Variants in SLC27A1 observed in about 807,000 individuals in gnomAD.
SLC27A1 encodes long-chain fatty acid transport protein 1.
A neutral mutation model predicts 62.2 loss-of-function variants in SLC27A1; 61 were observed. The ratio of observed to expected loss-of-function variants is 0.98; its 90% CI spans 0.80 to 1.21. SLC27A1 has a LOEUF of 1.21. SLC27A1 is among the 50% of genes most tolerant of loss of function. The pLI is 0.00. For synonymous variants in SLC27A1, 435 were observed against 408.6 expected (o/e 1.06, Z -0.78); for missense variants, 903 against 932.1 (o/e 0.97, Z 0.41).
intron 7 of SLC27A1, chr19:17,498,211 A>AAT (rs1341246301): frequency 6.6e-6 from 1 of 152,182 alleles, no homozygotes; most frequent in Admixed American, 6.6e-5. Flanking sequence ...TTCTACAGAA[A>AAT]ATAAAAAATT....
intron 6 of SLC27A1, 86 bp downstream of exon 6, chr19:17,489,203 G>A: frequency 1.8e-6 from 2 of 1,138,728 alleles, no homozygotes; most frequent in South Asian, 1.4e-5. Context: ...TCCTCCCGGT[G>A]AGGCCCCGTA....
Position 17,486,546 on chromosome 19 carries a change from T to C in SLC27A1, c.168-17T>C. ...GCAGGGCACCAGTGACGCTGTCCCC[T>C]CCGTCCTCCCTCCCAGCGGTCTCTC... On this transcript the variant is annotated splice_polypyrimidine_tract_variant and intron_variant, in intron 1 of 11. Coordinates refer to ENST00000252595, the MANE Select transcript of SLC27A1 (RefSeq NM_198580.3). The surrounding 1 kb of genome is among the most constrained non-coding windows in gnomAD (Gnocchi z 6.6). The C allele has an allele frequency of 6.4e-7, 1 of 1,559,402 alleles. No individual in the cohort carries two copies. The highest frequency in any genetic ancestry group is 1.2e-5 in the South Asian group (1 of 86,740).
intron 1 of SLC27A1, among the ~76,000 whole-genome samples, chr19:17,474,879 C>T (rs1308171967): frequency 6.6e-6 from 1 of 151,628 alleles, no homozygotes; most frequent in Non-Finnish European, 1.5e-5. Context: ...ATCTGCCCGC[C>T]TGGGCCTCCC....
intron 4 of SLC27A1, among the ~76,000 whole-genome samples, chr19:17,488,392 C>G (rs1416586574): frequency 6.6e-6 from 1 of 152,158 alleles, no homozygotes; most frequent in Non-Finnish European, 1.5e-5. Flanking sequence ...AAAACCCTCT[C>G]TCAGTTTGGG....
chr19:17,486,612 C>A lies in SLC27A1; in HGVS notation c.217C>A (p.Arg73Ser). 1 of 1,595,374 alleles carries A rather than the reference C, an allele frequency of 6.3e-7. No individual in the cohort carries two copies. Among genetic ancestry groups the A allele is most frequent in the Middle Eastern group, 1.7e-4 (1 of 5,970 alleles). ...GCGCCTGGAGCTGCGGCGGCACCAG[C>A]GTGCCGGCCACACCATCCCGCGCAT... ...RVRLELRRHQRAGHTIPRIFQ... is the reference protein window; with the variant it reads ...RVRLELRRHQSAGHTIPRIFQ... The change falls in exon 2 of 12, where the codon CGT becomes AGT. Residue 73 changes from arginine to serine, a missense_variant. Transcript: ENST00000252595. The surrounding 1 kb of genome is among the most constrained non-coding windows in gnomAD (Gnocchi z 6.6).
At position 17,486,121 on chromosome 19, in the gene SLC27A1, C is replaced by T. The variant is rs921784706; in HGVS notation, c.168-442C>T. On this transcript the variant is annotated intron_variant, in intron 1 of 11. Coordinates refer to ENST00000252595, the MANE Select transcript of SLC27A1 (RefSeq NM_198580.3). This position sits in a 1 kb window ranked among gnomAD's most constrained non-coding sequence, Gnocchi z 6.6. Reference sequence around the variant, plus strand: ...CGTGCTAGATGCTTCAGCCATCTGTCCCTGGTGCCACCCAGTGACCTGGGG... The same window carrying T: ...CGTGCTAGATGCTTCAGCCATCTGTTCCTGGTGCCACCCAGTGACCTGGGG... Among the ~76,000 whole-genome samples, 1 of 152,204 alleles carries T rather than the reference C, an allele frequency of 6.6e-6. No individual in the cohort carries two copies. Among genetic ancestry groups the T allele is most frequent in the East Asian group, 1.9e-4 (1 of 5,178 alleles).
At chr19:17,499,462 G>C (rs1382008918) in intron 7 of SLC27A1, 1 of 151,626 alleles carries the variant, frequency 6.6e-6, no homozygotes, top group Non-Finnish European at 1.5e-5. Flanking sequence ...AACTCTTGTT[G>C]TTTTATATAT....
chr19:17,495,867 C>T (rs969405998), intron 6 of SLC27A1: 1 of 152,508 alleles, frequency 6.6e-6, no homozygotes, highest in Non-Finnish European at 1.5e-5. Context: ...GCTATTTAGT[C>T]AGTACCTTCT....
rs531250354 is a variant in SLC27A1, at chr19:17,486,779, C to T, written c.384C>T (p.Gly128=). The T allele has an allele frequency of 3.1e-6, 5 of 1,603,730 alleles. No homozygotes were observed. Among genetic ancestry groups the T allele is most frequent in the Non-Finnish European group, 2.6e-6 (3 of 1,175,618 alleles). ...NLFRQLGFAP[G]DVVAIFLEGR... The stretch of plus-strand genomic sequence containing the variant: ...TCCGCCAGCTGGGCTTCGCGCCGGG[C>T]GACGTGGTGGCCATCTTCCTGGAGG... The change falls in exon 2 of 12, where the codon GGC becomes GGT. Residue 128 remains glycine, a synonymous_variant. Coordinates refer to ENST00000252595, the MANE Select transcript of SLC27A1 (RefSeq NM_198580.3). The surrounding 1 kb of genome is among the most constrained non-coding windows in gnomAD (Gnocchi z 6.6).
In SLC27A1 at chr19:17,487,156, A is replaced by G. The variant is rs1300963781; in HGVS notation, c.563-18A>G. The G allele has an allele frequency of 6.2e-6, 10 of 1,613,730 alleles. No individual in the cohort carries two copies. The highest frequency in any genetic ancestry group is 8.5e-6 in the Non-Finnish European group (10 of 1,179,932). On this transcript the variant is annotated intron_variant, in intron 2 of 11. Transcript: ENST00000252595. Reference sequence around the variant, plus strand: ...GCCTGTCCGGCGGTGACCATGACCCATGTGTTGGGGACCACAGCGGTGGCC... The same window carrying G: ...GCCTGTCCGGCGGTGACCATGACCCGTGTGTTGGGGACCACAGCGGTGGCC...
chr19:17,502,184 C>T (rs1442930533), intron 11 of SLC27A1, among the ~76,000 whole-genome samples: 3 of 152,044 alleles, frequency 2.0e-5, no homozygotes, highest in Admixed American at 6.6e-5. Context: ...ACCATTTACT[C>T]ATCCTAGTTC....
intron 1 of SLC27A1, among the ~76,000 whole-genome samples, chr19:17,482,582 CA>C (rs1288464329): frequency 7.3e-5 from 10 of 137,298 alleles, no homozygotes; most frequent in African/African-American, 2.8e-4. Flanking sequence ...ACCCAGGAGG[CA>C]AATGTTTCAG....
upstream of SLC27A1, chr19:17,470,434 G>A (rs1373349452): frequency 1.4e-5 from 18 of 1,296,698 alleles, no homozygotes; most frequent in East Asian, 5.5e-4. Context: ...CAGAGCCGAG[G>A]CCTGGGGGCG....
chr19:17,497,350 C>T lies in SLC27A1; in HGVS notation c.1092C>T (p.Asn364=), dbSNP rs756428403. Residue 364 remains asparagine, a synonymous_variant, in exon 7 of 12, where the codon AAC becomes AAT. Transcript: ENST00000252595. ...RRHRVRLAVG[N]GLRPAIWEEF... ...ACCGCGTGCGCCTGGCGGTGGGGAA[C>T]GGGCTGCGTCCTGCCATCTGGGAGG... is the stretch of plus-strand genomic sequence containing the variant. The T allele has an allele frequency of 5.6e-6, 9 of 1,600,470 alleles. No homozygotes were observed. The highest frequency in any genetic ancestry group is 6.8e-6 in the Non-Finnish European group (8 of 1,176,002).
rs139341162 is a variant in SLC27A1, at chr19:17,493,320, C to T, written c.997-3935C>T. 8.2e-3 allele frequency among the ~76,000 whole-genome samples: 1,082 copies of T among 131,650 alleles called. 8 individuals are homozygous for T. Among genetic ancestry groups the T allele is most frequent in the African/African-American group, 0.03 (1,036 of 34,254 alleles). The allele number at this position is 131,650 out of a possible 152,430, so 86.4% of individuals were successfully genotyped here. On this transcript the variant is annotated intron_variant, in intron 6 of 11. Transcript: ENST00000252595. Reference sequence around the variant, plus strand: ...GCGGGCACCTGTAGTCCCAGCTACCCGGGAGGCTGAGGCAGGAGAATCGTT... The same window carrying T: ...GCGGGCACCTGTAGTCCCAGCTACCTGGGAGGCTGAGGCAGGAGAATCGTT...
At chr19:17,484,195 G>C (rs756736902) in intron 1 of SLC27A1, 1 of 152,278 alleles carries the variant, frequency 6.6e-6, no homozygotes, top group Non-Finnish European at 1.5e-5. Flanking sequence ...ATGATAAATG[G>C]AGGGAAAGAA....
chr19:17,491,709 C>T (rs995636799), intron 6 of SLC27A1, among the ~76,000 whole-genome samples: 1 of 151,556 alleles, frequency 6.6e-6, no homozygotes, highest in Non-Finnish European at 1.5e-5. Flanking sequence ...CTCATCTCTA[C>T]AAAAAAATTG....
chr19:17,470,650 G>C lies in SLC27A1; in HGVS notation c.110G>C (p.Gly37Ala). ...SAAAALGVYV[G>A]SGGWRFLRIV... The stretch of plus-strand genomic sequence containing the variant: ...GCAGCGGCGCTCGGCGTGTACGTGG[G>C]CAGCGGCGGCTGGCGCTTCCTGCGC... The change falls in exon 1 of 12, where the codon GGC becomes GCC. Residue 37 changes from glycine (G) to alanine (A), a missense_variant. Gly to Ala is a moderately conservative substitution (Grantham distance 60). Transcript: ENST00000252595. The C allele has an allele frequency of 3.2e-6, 5 of 1,578,818 alleles. No individual in the cohort carries two copies. The South Asian group carries it at 5.7e-5, about 18-fold the overall frequency.
Position 17,487,262 on chromosome 19 carries a change from C to T in SLC27A1, c.651C>T (p.Thr217=). The T allele has an allele frequency of 6.2e-7, 1 of 1,613,950 alleles. No homozygotes were observed. The highest frequency in any genetic ancestry group is 8.5e-7 in the Non-Finnish European group (1 of 1,179,942). Residue 217 remains threonine, a synonymous_variant, in exon 3 of 12, where the codon ACC becomes ACT. Transcript: ENST00000252595. Reference sequence around the variant, plus strand: ...GGCCCGAGGGCATCTTGCCGGACACCCACCTCCTGGACCCGCTGCTGAAGG... The same window carrying T: ...GGCCCGAGGGCATCTTGCCGGACACTCACCTCCTGGACCCGCTGCTGAAGG... ...DLGPEGILPD[T]HLLDPLLKEA...
Sources: gnomAD v4.1 joint callset for allele counts (sites outside exome capture counted in the v4.1 genomes callset) on GRCh38, gnomAD v4.1.1 for gene constraint, Gnocchi (gnomAD v3.1) non-coding constraint, MANE v1.5 for transcripts, NCBI Gene and HGNC (gene_info 2026-07-23, HGNC 2026-07-21) for gene names.